ACAD10: variants seen among roughly 807,000 people sequenced by gnomAD.
The protein encoded by ACAD10 is acyl-CoA dehydrogenase family member 10.
ACAD10 carries 112 observed loss-of-function variants against 116.8 expected under a neutral mutation model. The ratio of observed to expected loss-of-function variants is 0.96; its 90% CI spans 0.82 to 1.12. The LOEUF (loss-of-function observed/expected upper bound fraction) is 1.12. Ranked by LOEUF, ACAD10 falls within the 50% of genes most tolerant of loss-of-function variation. The probability of loss-of-function intolerance (pLI) is 0.00; values close to 1 mark genes in which losing one functional copy is unlikely to be tolerated. For synonymous variants in ACAD10, 486 were observed against 510.6 expected, an observed-to-expected ratio of 0.95 and a Z score of 0.65; for missense variants, 1,259 against 1,350.2, an observed-to-expected ratio of 0.93 and a Z score of 1.06.
intron 2 of ACAD10, among the ~76,000 whole-genome samples, chr12:111,698,484 T>A (rs1201710482): frequency 7.0e-6 from 1 of 141,898 alleles, no homozygotes; most frequent in African/African-American, 2.7e-5. Flanking sequence ...TCAGTAAACC[T>A]TTTTTTTTTT....
At chr12:111,716,932 A>G (rs1438124755) in intron 7 of ACAD10, among the ~76,000 whole-genome samples, 1 of 152,196 alleles carries the variant, frequency 6.6e-6, no homozygotes, top group Non-Finnish European at 1.5e-5. Context: ...TAATTAAGTA[A>G]ACCTTGGTAT....
At chr12:111,719,756 C>T (rs920561891) in intron 7 of ACAD10, among the ~76,000 whole-genome samples, 3 of 152,054 alleles carry the variant, frequency 2.0e-5, no homozygotes. Flanking sequence ...GAGACAGAGT[C>T]TCGCTCTGTT....
At position 111,756,465 on chromosome 12, in the gene ACAD10, C is replaced by T. The variant is rs564259991; in HGVS notation, c.3172C>T (p.Arg1058Cys). The change falls in exon 21 of 21, where the codon CGC (arginine) becomes TGC (cysteine). Residue 1058 changes from arginine (R) to cysteine (C), a missense_variant. By Grantham distance (180) the Arg-to-Cys change is radical. Coordinates refer to ENST00000313698, the MANE Select transcript of ACAD10 (RefSeq NM_025247.6). The part of the protein sequence containing the change: ...ATVAKLELKH[R>C]I ...GGTGGCCAAGCTAGAGCTGAAGCAC[C>T]GCATTTAGAGCCTTGGGGCTGCAGT... 194 of 1,612,376 alleles carry T rather than the reference C, an allele frequency of 1.2e-4. 1 individual carries two copies. The highest frequency in any genetic ancestry group is 1.7e-4 in the Middle Eastern group (1 of 6,052).
At chr12:111,728,801 T>C (rs58598790) in intron 9 of ACAD10, among the ~76,000 whole-genome samples, 2,377 of 152,218 alleles carry the variant, frequency 0.016, 72 homozygotes, top group African/African-American at 0.054. Flanking sequence ...GCAATCCTCC[T>C]GCCTCTCCCT....
intron 7 of ACAD10, among the ~76,000 whole-genome samples, chr12:111,716,588 G>C (rs1484602941): frequency 6.6e-6 from 1 of 152,180 alleles, no homozygotes; most frequent in Non-Finnish European, 1.5e-5. Context: ...GCCAGGAGCA[G>C]TAGCTACCAT....
At chr12:111,698,573 G>T (rs796411277) in intron 2 of ACAD10, among the ~76,000 whole-genome samples, 1 of 151,744 alleles carries the variant, frequency 6.6e-6, no homozygotes, top group South Asian at 2.1e-4. Flanking sequence ...TGCCTCCCAG[G>T]TTCAAGCGAT....
intron 7 of ACAD10, among the ~76,000 whole-genome samples, 172 bp from the exon 8 acceptor site, chr12:111,721,496 AAGT>A (rs754528627): frequency 1.3e-5 from 2 of 152,220 alleles, no homozygotes; most frequent in Non-Finnish European, 2.9e-5. Context: ...TGAACCTAGG[AAGT>A]AGAGGTTGCA....
Position 111,736,896 on chromosome 12 carries a change from T to C in ACAD10, c.1606T>C (p.Cys536Arg). 7 of 1,614,232 alleles carry C rather than the reference T, an allele frequency of 4.3e-6. No individual in the cohort carries two copies. The highest frequency in any genetic ancestry group is 5.9e-6 in the Non-Finnish European group (7 of 1,180,034). ...PAAEEYFRMYCLQMGLPPTEN... is the reference protein window; with the variant it reads ...PAAEEYFRMYRLQMGLPPTEN... ...TGCAGAGGAGTATTTCAGGATGTAC[T>C]GTCTCCAAATGGGGCTCCCTCCCAC... The change falls in exon 12 of 21, where the codon TGT (cysteine) becomes CGT (arginine). Residue 536 changes from cysteine to arginine, a missense_variant. Transcript: ENST00000313698.
intron 11 of ACAD10, among the ~76,000 whole-genome samples, chr12:111,736,043 C>T (rs986522281): frequency 1.3e-5 from 2 of 151,878 alleles, no homozygotes; most frequent in South Asian, 2.1e-4. Flanking sequence ...CAATGTCTGG[C>T]TAATTTTTGT....
At position 111,716,797 on chromosome 12, in the gene ACAD10, A is replaced by T. The variant is rs145707241; in HGVS notation, c.992+835A>T. On this transcript the variant is annotated intron_variant, in intron 7 of 20. Coordinates refer to ENST00000313698, the MANE Select transcript of ACAD10 (RefSeq NM_025247.6). The stretch of plus-strand genomic sequence containing the variant: ...CTTGAACCTGGGAGGTGGAAGCTGC[A>T]CTGAGCCGAGGTGGGCACCACTGCA... 6.1e-4 allele frequency among the ~76,000 whole-genome samples: 93 copies of T among 152,278 alleles called. No individual in the cohort carries two copies. The East Asian group carries it at 0.018, about 29-fold the overall frequency.
At chr12:111,740,728 G>C (rs1024600646) in intron 12 of ACAD10, among the ~76,000 whole-genome samples, 1 of 143,274 alleles carries the variant, frequency 7.0e-6, no homozygotes, top group African/African-American at 2.6e-5. Flanking sequence ...GTTGCAGTGA[G>C]CCGAGATTGC....
rs199844598 is a variant in ACAD10, at chr12:111,721,752, T to C, written c.1061+13T>C. The C allele has an allele frequency of 6.3e-7, 1 of 1,584,342 alleles. No homozygotes were observed. The highest frequency in any genetic ancestry group is 1.7e-5 in the Admixed American group (1 of 59,002). ...GTGAAGATTCAAGGTAAAGTTCAGATGTTTTTGCTATTGCACTTTCAAGCT... is the reference window on the plus strand; with the variant it reads ...GTGAAGATTCAAGGTAAAGTTCAGACGTTTTTGCTATTGCACTTTCAAGCT... On this transcript the variant is annotated intron_variant, in intron 8 of 20. Coordinates refer to ENST00000313698, the MANE Select transcript of ACAD10 (RefSeq NM_025247.6).
intron 3 of ACAD10, among the ~76,000 whole-genome samples, chr12:111,705,169 T>TA (rs1888462037): frequency 6.6e-6 from 1 of 152,144 alleles, no homozygotes; most frequent in African/African-American, 2.4e-5. Flanking sequence ...CCTCTTATGA[T>TA]ATGCTGTTTT....
rs138769725 is a variant in ACAD10 at position 111,747,319 on chromosome 12, A to G, written c.2419A>G (p.Ile807Val). 3.7e-6 allele frequency: 6 copies of G among 1,613,986 alleles called. No homozygotes were observed. The African/African-American group carries it at 6.7e-5, about 18-fold the overall frequency. Residue 807 changes from isoleucine to valine, a missense_variant, in exon 16 of 21, where the codon ATT becomes GTT. Physicochemically the swap from Ile to Val is conservative, Grantham distance 29. Coordinates refer to ENST00000313698, the MANE Select transcript of ACAD10 (RefSeq NM_025247.6). ...GGTTGCCTCTTCAGATGCCACCAAC[A>G]TTGAGGCTTCCATCAGAGAGGAGGA... ...PQVASSDATN[I>V]EASIREEDSF... is the part of the protein sequence containing the mutation.
intron 1 of ACAD10, among the ~76,000 whole-genome samples, chr12:111,688,920 C>T (rs924349218): frequency 1.3e-5 from 2 of 148,186 alleles, no homozygotes; most frequent in African/African-American, 2.5e-5. Flanking sequence ...TGGCTGGGCA[C>T]GATGGCTCAC....
Position 111,729,959 on chromosome 12 carries a change from A to G in ACAD10, c.1394+3A>G, listed in dbSNP as rs199645118. 300 of 1,613,078 alleles carry G rather than the reference A, an allele frequency of 1.9e-4. 1 individual carries two copies. Among genetic ancestry groups the G allele is most frequent in the South Asian group, 7.8e-4 (71 of 90,986 alleles). On this transcript the variant is annotated splice_donor_region_variant and intron_variant, in intron 10 of 20. Coordinates refer to ENST00000313698, the MANE Select transcript of ACAD10 (RefSeq NM_025247.6). ...ACAGTGGTGCACGGGGACTTCAGGTAGATGTGGTGGCAGGGAGAGCTGAAA... is the reference window on the plus strand; with the variant it reads ...ACAGTGGTGCACGGGGACTTCAGGTGGATGTGGTGGCAGGGAGAGCTGAAA...
chr12:111,747,473 C>T, intron 16 of ACAD10, 88 bp downstream of exon 16: 1 of 1,585,546 alleles, frequency 6.3e-7, no homozygotes, highest in Non-Finnish European at 8.6e-7. Context: ...GGAGCCTCTG[C>T]TTTTTCAAGT....
intron 13 of ACAD10, among the ~76,000 whole-genome samples, chr12:111,745,831 C>T (rs1304649093): frequency 2.0e-5 from 3 of 146,798 alleles, no homozygotes; most frequent in South Asian, 2.1e-4. Context: ...GCCACCATCT[C>T]TCTCTTTTTT....
At chr12:111,713,878 G>A (rs1260682792) in intron 6 of ACAD10, among the ~76,000 whole-genome samples, 3 of 150,920 alleles carry the variant, frequency 2.0e-5, no homozygotes, top group African/African-American at 4.9e-5. Flanking sequence ...CTGAGGTTAC[G>A]GTGAGCTAAG....
Sources: gnomAD v4.1 joint callset for allele counts (sites outside exome capture counted in the v4.1 genomes callset) on GRCh38, gnomAD v4.1.1 for gene constraint, MANE v1.5 for transcripts, NCBI Gene and HGNC (gene_info 2026-07-23, HGNC 2026-07-21) for gene names.